The following SPAG16 variants were observed in gnomAD, a reference collection of about 807,000 sequenced individuals.
The protein encoded by SPAG16 is sperm associated antigen 16, also known as sperm-associated antigen 16 protein.
Under a neutral mutation model 80.4 loss-of-function variants are expected in SPAG16, and 86 were observed. The observed-to-expected ratio is 1.07, with a 90% CI of 0.90 to 1.28. The LOEUF is 1.28. Ranked by LOEUF, SPAG16 falls within the 50% of genes most tolerant of loss-of-function variation. SPAG16 has a pLI of 0.00. For missense variants in SPAG16, 870 were observed against 765.3 expected (o/e 1.14, Z -1.61); for synonymous variants, 294 against 265.9 (o/e 1.11, Z -1.03).
At chr2:213,373,727 C>T (rs1406352007) in intron 8 of SPAG16, among the ~76,000 whole-genome samples, 1 of 152,124 alleles carries the variant, frequency 6.6e-6, no homozygotes, top group Non-Finnish European at 1.5e-5. Context: ...TATGCATTCC[C>T]CTTCTCATAT....
intron 9 of SPAG16, among the ~76,000 whole-genome samples, chr2:213,402,317 T>C (rs2125342454): frequency 6.6e-6 from 1 of 152,242 alleles, no homozygotes; most frequent in Admixed American, 6.5e-5. Flanking sequence ...CAATTAGATA[T>C]GTTATACTAT....
At chr2:213,533,234 G>A (rs562990972) in intron 10 of SPAG16, among the ~76,000 whole-genome samples, 66 of 152,176 alleles carry the variant, frequency 4.3e-4, no homozygotes, top group African/African-American at 1.5e-3. Context: ...TATGTGATAT[G>A]CACATACTAT....
At chr2:214,023,045 A>G (rs1300170105) in intron 13 of SPAG16, among the ~76,000 whole-genome samples, 1 of 151,972 alleles carries the variant, frequency 6.6e-6, no homozygotes, top group Non-Finnish European at 1.5e-5. Context: ...ATCTGACATA[A>G]TTTAATATTC....
At chr2:214,360,206 T>C (rs369527967) in intron 15 of SPAG16, among the ~76,000 whole-genome samples, 263 of 152,006 alleles carry the variant, frequency 1.7e-3, no homozygotes, top group African/African-American at 4.7e-3. Flanking sequence ...CCCAGCCAAA[T>C]AACTGATGGA....
chr2:213,825,648 G>A (rs2125704170), intron 10 of SPAG16, among the ~76,000 whole-genome samples: 1 of 146,856 alleles, frequency 6.8e-6, no homozygotes, highest in South Asian at 2.2e-4. Flanking sequence ...GAGGATTTTT[G>A]CATCAGTGTT....
chr2:214,299,968 A>T (rs1694432000), intron 15 of SPAG16, among the ~76,000 whole-genome samples: 1 of 152,190 alleles, frequency 6.6e-6, no homozygotes. Flanking sequence ...AGGGACTTTT[A>T]TCAACTTTAT....
intron 10 of SPAG16, among the ~76,000 whole-genome samples, chr2:213,558,348 A>G (rs1023138094): frequency 6.6e-6 from 1 of 152,122 alleles, no homozygotes; most frequent in Admixed American, 6.6e-5. Context: ...ATATGTTTCT[A>G]AGATAAAGAG....
At chr2:214,298,054 CT>C (rs750000703) in intron 15 of SPAG16, among the ~76,000 whole-genome samples, 16 of 145,034 alleles carry the variant, frequency 1.1e-4, no homozygotes, top group Non-Finnish European at 2.1e-4. Flanking sequence ...GCTCTTTTAC[CT>C]TCTTGGTTAG....
At chr2:214,011,807 T>G (rs1490358275) in intron 12 of SPAG16, among the ~76,000 whole-genome samples, 1 of 152,184 alleles carries the variant, frequency 6.6e-6, no homozygotes, top group Non-Finnish European at 1.5e-5. Context: ...GAAGTGTTGC[T>G]AAATAATTTA....
At chr2:214,137,803 G>A (rs921112231) in intron 14 of SPAG16, among the ~76,000 whole-genome samples, 1 of 15,720 alleles carries the variant, frequency 6.4e-5, no homozygotes, top group African/African-American at 1.1e-4. Flanking sequence ...TTGAGCATAT[G>A]TCATGGCAAA....
intron 10 of SPAG16, among the ~76,000 whole-genome samples, chr2:213,542,716 C>T (rs1255733255): frequency 6.6e-6 from 1 of 152,002 alleles, no homozygotes; most frequent in Non-Finnish European, 1.5e-5. Context: ...TGAGTTGATG[C>T]AGCTATGTAT....
At chr2:213,608,222 G>A (rs963130072) in intron 10 of SPAG16, among the ~76,000 whole-genome samples, 11 of 151,962 alleles carry the variant, frequency 7.2e-5, no homozygotes, top group African/African-American at 2.4e-4. Context: ...TGTGCACAAC[G>A]TGCAGGTTTG....
chr2:214,104,246 G>T (rs115941134), intron 13 of SPAG16, among the ~76,000 whole-genome samples: 209 of 152,296 alleles, frequency 1.4e-3, no homozygotes, highest in African/African-American at 4.8e-3. Context: ...TAAAGGATGA[G>T]GTCAGATACA....
At chr2:213,868,329 T>A (rs1273927513) in intron 11 of SPAG16, among the ~76,000 whole-genome samples, 1 of 133,708 alleles carries the variant, frequency 7.5e-6, no homozygotes, top group Non-Finnish European at 1.7e-5. Flanking sequence ...AATTCCATTT[T>A]AAAATCATCT....
chr2:213,402,084 T>G (rs2068339679), intron 9 of SPAG16, among the ~76,000 whole-genome samples: 1 of 152,090 alleles, frequency 6.6e-6, no homozygotes, highest in Admixed American at 6.5e-5. Flanking sequence ...ATCTACAAAT[T>G]TACTAATTTT....
At chr2:213,840,471 T>G (rs2125752947) in intron 10 of SPAG16, among the ~76,000 whole-genome samples, 1 of 152,200 alleles carries the variant, frequency 6.6e-6, no homozygotes, top group Admixed American at 6.5e-5. Flanking sequence ...AAATGAGAAA[T>G]AAACAAAATA....
intron 10 of SPAG16, among the ~76,000 whole-genome samples, chr2:213,607,764 G>C (rs1411446617): frequency 6.6e-6 from 1 of 152,140 alleles, no homozygotes; most frequent in Non-Finnish European, 1.5e-5. Flanking sequence ...TTCTATCTAG[G>C]AGGGTTTCAT....
chr2:214,296,477 C>T (rs928703197), intron 15 of SPAG16, among the ~76,000 whole-genome samples: 5 of 152,130 alleles, frequency 3.3e-5, no homozygotes, highest in African/African-American at 1.2e-4. Context: ...CTACTGTTTT[C>T]CATAGAGGTT....
chr2:213,575,970 T>C (rs2060110451), intron 10 of SPAG16, among the ~76,000 whole-genome samples: 1 of 152,124 alleles, frequency 6.6e-6, no homozygotes, highest in Admixed American at 6.5e-5. Context: ...TGTTTGGAAA[T>C]CCATTTGCTC....
Sources: gnomAD v4.1 joint callset for allele counts (sites outside exome capture counted in the v4.1 genomes callset) on GRCh38, gnomAD v4.1.1 for gene constraint, MANE v1.5 for transcripts, NCBI Gene and HGNC (gene_info 2026-07-23, HGNC 2026-07-21) for gene names.